CHSY3: variants seen among roughly 807,000 people sequenced by gnomAD.
CHSY3 encodes N-acetylgalactosaminyl-proteoglycan 3-beta-glucuronosyltransferase 3.
Under a neutral mutation model 67.2 loss-of-function variants are expected in CHSY3, and 35 were observed. That is an observed-to-expected ratio of 0.52 (90% CI 0.40 to 0.69). The LOEUF is 0.69. Ranked by LOEUF, CHSY3 falls within the 30% of genes least tolerant of loss-of-function variation. The pLI, the probability that CHSY3 is intolerant of heterozygous loss-of-function variation, is 0.00. For missense variants in CHSY3, 1,069 were observed against 1,138.5 expected (o/e 0.94, Z 0.88); for synonymous variants, 474 against 434.7 (o/e 1.09, Z -1.12).
At chr5:130,146,738 A>T (rs1412527867) in intron 2 of CHSY3, among the ~76,000 whole-genome samples, 1 of 152,074 alleles carries the variant, frequency 6.6e-6, no homozygotes, top group Non-Finnish European at 1.5e-5. Flanking sequence ...GAATATCTAC[A>T]ATTATAGTGT....
intron 2 of CHSY3, among the ~76,000 whole-genome samples, chr5:130,138,284 A>T (rs556276471): frequency 6.6e-6 from 1 of 152,180 alleles, no homozygotes; most frequent in Non-Finnish European, 1.5e-5. Context: ...CCAACCAAGG[A>T]CACATCTCCT....
chr5:130,031,209 G>A (rs879649925), intron 2 of CHSY3, among the ~76,000 whole-genome samples: 5 of 152,012 alleles, frequency 3.3e-5, no homozygotes, highest in Admixed American at 2.6e-4. Flanking sequence ...ATCCTGATGA[G>A]CCATTAATTT....
At chr5:130,082,683 C>A (rs1244588415) in intron 2 of CHSY3, among the ~76,000 whole-genome samples, 1 of 151,718 alleles carries the variant, frequency 6.6e-6, no homozygotes, top group Non-Finnish European at 1.5e-5. Context: ...ATGGTTAAGT[C>A]GGCATGGAGC....
chr5:130,086,709 A>G (rs1355473138), intron 2 of CHSY3, among the ~76,000 whole-genome samples: 1 of 152,180 alleles, frequency 6.6e-6, no homozygotes, highest in Non-Finnish European at 1.5e-5. Context: ...AAGCTCTGAA[A>G]TTGTGGCAAT....
rs112221558 is a variant in CHSY3 at position 130,029,010 on chromosome 5, T to C, written c.1086+120650T>C. Among the ~76,000 whole-genome samples the C allele has an allele frequency of 2.2e-3, 333 of 152,200 alleles. 1 individual carries two copies. The highest frequency in any genetic ancestry group is 3.3e-3 in the South Asian group (16 of 4,826). On this transcript the variant is annotated intron_variant, in intron 2 of 2. Transcript: ENST00000305031. ...TCTATCTTTGCTTCTTTATCTATTCTGTCTTCTTCCCTCCTTCTTTCCTGT... is the reference window on the plus strand; with the variant it reads ...TCTATCTTTGCTTCTTTATCTATTCCGTCTTCTTCCCTCCTTCTTTCCTGT...
chr5:130,034,214 A>G (rs1002824979), intron 2 of CHSY3, among the ~76,000 whole-genome samples: 3 of 142,210 alleles, frequency 2.1e-5, no homozygotes, highest in African/African-American at 7.8e-5. Flanking sequence ...TTTCTTTTTC[A>G]AATAACATAC....
chr5:129,981,170 G>A (rs1423972674), intron 2 of CHSY3, among the ~76,000 whole-genome samples: 2 of 151,710 alleles, frequency 1.3e-5, no homozygotes, highest in Non-Finnish European at 2.9e-5. Flanking sequence ...GCAGTGAGCC[G>A]AGATTGCGCC....
intron 2 of CHSY3, among the ~76,000 whole-genome samples, chr5:129,922,886 A>C (rs1022583750): frequency 1.3e-5 from 2 of 152,162 alleles, no homozygotes; most frequent in African/African-American, 2.4e-5. Context: ...GCCCATGCAT[A>C]GTATTGTTGA....
intron 2 of CHSY3, among the ~76,000 whole-genome samples, chr5:130,100,192 CT>C (rs910465046): frequency 6.6e-6 from 1 of 151,526 alleles, no homozygotes; most frequent in Non-Finnish European, 1.5e-5. Flanking sequence ...AGTTAGATTT[CT>C]TTTTTTTGAG....
At chr5:129,973,901 C>T (rs764037722) in intron 2 of CHSY3, among the ~76,000 whole-genome samples, 1 of 152,082 alleles carries the variant, frequency 6.6e-6, no homozygotes, top group Non-Finnish European at 1.5e-5. Context: ...AAACCTCAAA[C>T]TACTTGTGTT....
At chr5:129,960,537 A>G (rs374007849) in intron 2 of CHSY3, among the ~76,000 whole-genome samples, 3 of 151,974 alleles carry the variant, frequency 2.0e-5, no homozygotes, top group East Asian at 3.9e-4. Flanking sequence ...TGGTCATTTT[A>G]CTTAAATACG....
intron 2 of CHSY3, among the ~76,000 whole-genome samples, chr5:129,908,693 ACTCTT>A (rs554481637): frequency 1.7e-4 from 26 of 151,014 alleles, no homozygotes; most frequent in Non-Finnish European, 3.1e-4. Flanking sequence ...GTTTAATTTT[ACTCTT>A]CTCTTTAGCT....
At chr5:129,975,116 A>G (rs1189739447) in intron 2 of CHSY3, 1 of 152,094 alleles carries the variant, frequency 6.6e-6, no homozygotes, top group Non-Finnish European at 1.5e-5. Context: ...TAGGAGATAT[A>G]CCTAATGCTA....
At chr5:130,125,065 G>C (rs1346130703) in intron 2 of CHSY3, among the ~76,000 whole-genome samples, 2 of 152,176 alleles carry the variant, frequency 1.3e-5, no homozygotes, top group Non-Finnish European at 2.9e-5. Flanking sequence ...AGAATTGCTT[G>C]AGCTCGGGAG....
intron 2 of CHSY3, chr5:130,140,582 G>A: frequency 1.0e-5 from 5 of 495,110 alleles, no homozygotes; most frequent in Non-Finnish European, 3.5e-6. Flanking sequence ...AGACAAAAAG[G>A]TTGGAGCTGA....
At chr5:130,081,144 G>A (rs1424058885) in intron 2 of CHSY3, among the ~76,000 whole-genome samples, 1 of 152,096 alleles carries the variant, frequency 6.6e-6, no homozygotes, top group Non-Finnish European at 1.5e-5. Context: ...GACAGATTTC[G>A]GTCTTTCTTC....
intron 2 of CHSY3, among the ~76,000 whole-genome samples, chr5:130,057,922 G>GAGAC (rs1335031699): frequency 6.6e-6 from 1 of 151,774 alleles, no homozygotes; most frequent in East Asian, 1.9e-4. Context: ...GAGAGAGAGA[G>GAGAC]AGACAGAGAG....
At chr5:129,959,408 A>G (rs532061116) in intron 2 of CHSY3, among the ~76,000 whole-genome samples, 1 of 152,164 alleles carries the variant, frequency 6.6e-6, no homozygotes, top group South Asian at 2.1e-4. Context: ...ATTTTGATTT[A>G]TGATTTGCAT....
At chr5:130,096,115 T>C (rs1177480942) in intron 2 of CHSY3, among the ~76,000 whole-genome samples, 1 of 152,116 alleles carries the variant, frequency 6.6e-6, no homozygotes, top group African/African-American at 2.4e-5. Context: ...CAATATGGGA[T>C]CTTGAATTGG....
Sources: allele counts gnomAD v4.1 joint callset (sites outside exome capture counted in the v4.1 genomes callset), GRCh38; gene constraint gnomAD v4.1.1; transcripts MANE v1.5; gene names NCBI Gene and HGNC (gene_info 2026-07-23, HGNC 2026-07-21).